PM20D2: variants seen among roughly 807,000 people sequenced by gnomAD.
PM20D2 encodes peptidase M20 domain containing 2, also known as xaa-Arg dipeptidase.
PM20D2 carries 33 observed loss-of-function variants against 42.9 expected under a neutral mutation model. The ratio of observed to expected loss-of-function variants is 0.77; its 90% CI spans 0.58 to 1.03. The LOEUF is 1.03. Ranked by LOEUF, PM20D2 falls within the 50% of genes least tolerant of loss-of-function variation. PM20D2 has a pLI of 0.00. For missense variants in PM20D2, 548 were observed against 557.0 expected (o/e 0.98, Z 0.16); for synonymous variants, 250 against 228.2 (o/e 1.10, Z -0.86).
Position 89,164,374 on chromosome 6 carries a change from CA to C in PM20D2, c.*2114del, listed in dbSNP as rs1416044643. On this transcript the variant is annotated 3_prime_UTR_variant, in exon 7 of 7. Transcript: ENST00000275072. ...TGGGTGTAAGAAGAAAAGACACTTG[CA>C]AAGGAAGAGCTAAGATTAACATAAT... 2.0e-5 allele frequency: 3 copies of C among 152,474 alleles called. No individual in the cohort carries two copies. In the East Asian group the frequency reaches 5.8e-4, roughly 29 times the overall value. 9.4% of individuals were successfully genotyped at this position (152,474 alleles called of 1,614,324 possible). A position where few individuals can be genotyped will look rare whatever the true frequency, so the allele number is the denominator to read the frequency against.
chr6:89,118,328 A>C, the PM20D2 span, among the ~76,000 whole-genome samples: 2 of 152,048 alleles, frequency 1.3e-5, no homozygotes, highest in Admixed American at 1.3e-4. Flanking sequence ...GGCTGGGCGG[A>C]GGTGGGGTCA....
chr6:89,118,320 C>T, the PM20D2 span, among the ~76,000 whole-genome samples: 1 of 152,166 alleles, frequency 6.6e-6, no homozygotes, highest in East Asian at 1.9e-4. Context: ...GGGGCTGCGG[C>T]TGGGCGGAGG....
At chr6:89,132,910 T>A in the PM20D2 span, among the ~76,000 whole-genome samples, 1 of 150,740 alleles carries the variant, frequency 6.6e-6, no homozygotes, top group African/African-American at 2.5e-5. Flanking sequence ...TTTTTAATTA[T>A]TTTTTAGCAT....
intron 4 of PM20D2, among the ~76,000 whole-genome samples, chr6:89,156,899 CTG>C (rs1194466617): frequency 6.6e-6 from 1 of 152,080 alleles, no homozygotes; most frequent in East Asian, 1.9e-4. Context: ...TGAATGAAAA[CTG>C]TGAAATGTCC....
intron 5 of PM20D2, 56 bp downstream of exon 5, chr6:89,158,516 TG>T: frequency 6.4e-7 from 1 of 1,560,120 alleles, no homozygotes; most frequent in Middle Eastern, 1.7e-4. Context: ...ATACCATCTT[TG>T]GTTAAATTGG....
the PM20D2 span, among the ~76,000 whole-genome samples, chr6:89,111,034 C>T: frequency 6.6e-6 from 1 of 152,022 alleles, no homozygotes; most frequent in Non-Finnish European, 1.5e-5. Context: ...ATCACTTGAG[C>T]CCAGGAGTTT....
At chr6:89,137,770 C>G in the PM20D2 span, among the ~76,000 whole-genome samples, 12 of 152,218 alleles carry the variant, frequency 7.9e-5, no homozygotes, top group South Asian at 1.7e-3. Flanking sequence ...CATACTGTTT[C>G]CTTATTCCCC....
At chr6:89,139,688 G>A in the PM20D2 span, among the ~76,000 whole-genome samples, 2 of 152,110 alleles carry the variant, frequency 1.3e-5, no homozygotes, top group Admixed American at 1.3e-4. Flanking sequence ...GGCCCGCGTG[G>A]CAGAGCAAGA....
At chr6:89,122,602 GATTA>G in the PM20D2 span, among the ~76,000 whole-genome samples, 30 of 152,142 alleles carry the variant, frequency 2.0e-4, no homozygotes, top group African/African-American at 5.8e-4. Context: ...ATCTTAATCA[GATTA>G]ATTAACTAGT....
chr6:89,117,106 T>C, the PM20D2 span, among the ~76,000 whole-genome samples: 1 of 152,034 alleles, frequency 6.6e-6, no homozygotes, highest in Non-Finnish European at 1.5e-5. Flanking sequence ...CCTTAGTATC[T>C]GTGTTCAGAC....
chr6:89,152,788 T>G (rs1224956366), intron 2 of PM20D2, among the ~76,000 whole-genome samples: 1 of 152,186 alleles, frequency 6.6e-6, no homozygotes, highest in Non-Finnish European at 1.5e-5. Flanking sequence ...TGCATTAGAT[T>G]GTGTATACAT....
chr6:89,158,568 G>T (rs2297308), intron 5 of PM20D2, 108 bp downstream of exon 5: 3 of 1,232,238 alleles, frequency 2.4e-6, no homozygotes, highest in Non-Finnish European at 3.4e-6. Flanking sequence ...TACTACTGAC[G>T]TTTTTAATAT....
upstream of PM20D2, among the ~76,000 whole-genome samples, chr6:89,142,710 T>A (rs1235701332): frequency 1.3e-5 from 2 of 152,166 alleles, no homozygotes; most frequent in East Asian, 3.8e-4. Context: ...CAGGCTGGAG[T>A]GCAGTGACGC....
rs920153204 is a variant in PM20D2, at chr6:89,162,647, G to A, written c.*384G>A. The A allele has an allele frequency of 6.2e-6, 1 of 160,184 alleles. No homozygotes were observed. Among genetic ancestry groups the A allele is most frequent in the Non-Finnish European group, 1.4e-5 (1 of 73,260 alleles). 9.9% of individuals were successfully genotyped at this position (160,184 alleles called of 1,614,324 possible). On this transcript the variant is annotated 3_prime_UTR_variant, in exon 7 of 7. Coordinates refer to ENST00000275072, the MANE Select transcript of PM20D2 (RefSeq NM_001010853.3). ...TATGTGTATTTTTAAAAGCTTAAGA[G>A]ATTTCAAACCTTATATTCAGAATTG...
the PM20D2 span, among the ~76,000 whole-genome samples, chr6:89,108,550 T>A: frequency 6.6e-6 from 1 of 152,326 alleles, no homozygotes; most frequent in South Asian, 2.1e-4. Context: ...GGATTCAGCA[T>A]CAAGCTATGA....
the PM20D2 span, among the ~76,000 whole-genome samples, chr6:89,121,928 CTT>C: frequency 1.3e-5 from 2 of 152,180 alleles, no homozygotes; most frequent in African/African-American, 4.8e-5. Flanking sequence ...CATCACCTGA[CTT>C]TTCAAAAGTA....
intron 4 of PM20D2, 112 bp downstream of exon 4, chr6:89,155,014 C>CA (rs1399202069): frequency 2.2e-5 from 21 of 966,594 alleles, no homozygotes; most frequent in Non-Finnish European, 2.6e-5. Context: ...GTTGAATATG[C>CA]AAAATGAATT....
chr6:89,140,578 C>T, the PM20D2 span, among the ~76,000 whole-genome samples: 1 of 152,196 alleles, frequency 6.6e-6, no homozygotes, highest in Non-Finnish European at 1.5e-5. Context: ...AGTCAAAGTT[C>T]TCCACCCATT....
the PM20D2 span, among the ~76,000 whole-genome samples, chr6:89,139,250 T>G: frequency 7.2e-5 from 11 of 152,258 alleles, no homozygotes; most frequent in African/African-American, 1.7e-4. Flanking sequence ...TAAATTTTTT[T>G]TGTGTGAGAA....
Sources: gnomAD v4.1 joint callset for allele counts (sites outside exome capture counted in the v4.1 genomes callset) on GRCh38, gnomAD v4.1.1 for gene constraint, MANE v1.5 for transcripts, NCBI Gene and HGNC (gene_info 2026-07-23, HGNC 2026-07-21) for gene names.